Variants in LIFR observed in about 807,000 individuals in gnomAD.
LIFR encodes leukemia inhibitory factor receptor.
In LIFR, 84 loss-of-function variants were observed where a neutral mutation model predicts 122.2. That is an observed-to-expected ratio of 0.69 (90% CI 0.58 to 0.82). LIFR has a LOEUF of 0.82. LIFR is among the 40% of genes least tolerant of loss of function. The probability of loss-of-function intolerance (pLI) is 0.00; values close to 1 mark genes in which losing one functional copy is unlikely to be tolerated. For missense variants in LIFR, 1,294 were observed against 1,311.6 expected (o/e 0.99, Z 0.21); for synonymous variants, 422 against 434.7 (o/e 0.97, Z 0.36).
chr5:38,541,995 C>G (rs1490122810), intron 1 of LIFR, among the ~76,000 whole-genome samples: 2 of 152,136 alleles, frequency 1.3e-5, no homozygotes. Flanking sequence ...TTATCAGACA[C>G]ATAATGTCTA....
At chr5:38,517,666 G>C (rs1362838299) in intron 5 of LIFR, among the ~76,000 whole-genome samples, 1 of 151,704 alleles carries the variant, frequency 6.6e-6, no homozygotes, top group East Asian at 1.9e-4. Flanking sequence ...GACCATCCTG[G>C]CTAACACGGT....
intron 16 of LIFR, among the ~76,000 whole-genome samples, chr5:38,488,602 C>T (rs1744411796): frequency 6.6e-6 from 1 of 152,098 alleles, no homozygotes; most frequent in South Asian, 2.1e-4. Context: ...TTAATACATC[C>T]CCAATCAAGT....
chr5:38,525,809 A>G (rs1746648144), intron 4 of LIFR, among the ~76,000 whole-genome samples: 2 of 152,242 alleles, frequency 1.3e-5, no homozygotes, highest in Non-Finnish European at 2.9e-5. Flanking sequence ...GAACACAGCT[A>G]TTCTTTCAAA....
upstream of LIFR, chr5:38,559,233 A>C (rs1254103120): frequency 6.6e-6 from 1 of 152,224 alleles, no homozygotes; most frequent in Non-Finnish European, 1.5e-5. Context: ...TCCTTACACC[A>C]TACTGAGGTA....
intron 1 of LIFR, among the ~76,000 whole-genome samples, chr5:38,590,475 G>A (rs1416867194): frequency 1.3e-5 from 2 of 152,200 alleles, no homozygotes; most frequent in Non-Finnish European, 2.9e-5. Flanking sequence ...AACATGGAAA[G>A]GTAAAGCAGT....
intron 1 of LIFR, among the ~76,000 whole-genome samples, chr5:38,533,586 GA>G (rs1747134330): frequency 6.6e-6 from 1 of 152,004 alleles, no homozygotes; most frequent in Non-Finnish European, 1.5e-5. Flanking sequence ...AAGAAAATTA[GA>G]AAAAAAGAGT....
intron 1 of LIFR, among the ~76,000 whole-genome samples, chr5:38,539,306 G>A (rs1747459876): frequency 6.6e-6 from 1 of 152,092 alleles, no homozygotes; most frequent in Admixed American, 6.6e-5. Context: ...CTCTGTTTAT[G>A]CTCCCACTGG....
At chr5:38,514,281 ATG>A (rs1393819528) in intron 5 of LIFR, among the ~76,000 whole-genome samples, 2 of 152,190 alleles carry the variant, frequency 1.3e-5, no homozygotes, top group Non-Finnish European at 2.9e-5. Context: ...GCTGACACAC[ATG>A]TGTTTTTAGA....
intron 5 of LIFR, among the ~76,000 whole-genome samples, chr5:38,512,913 T>C (rs920282253): frequency 2.0e-5 from 3 of 151,476 alleles, no homozygotes; most frequent in African/African-American, 7.3e-5. Context: ...TTAGACTAGA[T>C]TTGTTTTTTA....
At position 38,490,241 on chromosome 5, in the gene LIFR, T is replaced by C. The variant is rs1319852120; in HGVS notation, c.2116A>G (p.Asn706Asp). ...RYNFFLYGCR[N>D]QGYQLLRSMI... ...GAGCGTAATAATTGATATCCTTGAT[T>C]TCTGCATCCATACAGGAAAAAATTA... Residue 706 changes from asparagine (N) to aspartate (D), a missense_variant, in exon 15 of 20, where the codon AAT becomes GAT. By Grantham distance (23) the Asn-to-Asp change is conservative (BLOSUM62 1). Transcript: ENST00000453190. The C allele has an allele frequency of 1.9e-6, 3 of 1,588,796 alleles. No individual in the cohort carries two copies. Among genetic ancestry groups the C allele is most frequent in the Non-Finnish European group, 2.6e-6 (3 of 1,159,438 alleles).
chr5:38,482,825 G>A (rs1239755305), intron 18 of LIFR, among the ~76,000 whole-genome samples, 158 bp from the exon 19 acceptor site: 1 of 152,158 alleles, frequency 6.6e-6, no homozygotes, highest in Non-Finnish European at 1.5e-5. Flanking sequence ...CACTACAGCT[G>A]TCTATACAAT....
chr5:38,560,585 G>GTT (rs1339565709), upstream of LIFR, among the ~76,000 whole-genome samples: 1 of 149,956 alleles, frequency 6.7e-6, no homozygotes, highest in African/African-American at 2.5e-5. Context: ...GTTTTGTTTT[G>GTT]TTTTGTTTTG....
At chr5:38,594,592 T>C (rs1241680276) in intron 1 of LIFR, among the ~76,000 whole-genome samples, 1 of 152,166 alleles carries the variant, frequency 6.6e-6, no homozygotes, top group Non-Finnish European at 1.5e-5. Flanking sequence ...TACTTTGTGC[T>C]CTGGCTTTTT....
chr5:38,608,023 C>G (rs1750367048), intron 1 of LIFR: 1 of 152,132 alleles, frequency 6.6e-6, no homozygotes, highest in South Asian at 2.1e-4. Flanking sequence ...CACTTACAAA[C>G]ATTTTAAAAA....
At chr5:38,578,200 T>C (rs1749449824) in intron 1 of LIFR, among the ~76,000 whole-genome samples, 1 of 77,198 alleles carries the variant, frequency 1.3e-5, no homozygotes, top group South Asian at 5.5e-4. Flanking sequence ...CTTTTCTTTT[T>C]CTTTTTCTTT....
rs371041363 is a variant in LIFR, at chr5:38,568,328, G to A, written c.-20+26933C>T. ...TGAGAAGGAATTTTTGAGCAGAGAG[G>A]GCTAAATGAAATGAGACAAGGGCCT... On this transcript the variant is annotated intron_variant, in intron 1 of 19. Coordinates refer to the LIFR transcript ENST00000263409. Among the ~76,000 whole-genome samples the A allele has an allele frequency of 2.8e-4, 42 of 152,130 alleles. 2 individuals are homozygous for A. Among genetic ancestry groups the A allele is most frequent in the Non-Finnish European group, 1.5e-5 (1 of 68,026 alleles).
chr5:38,601,270 C>G (rs1244029808), intron 2 of LIFR, among the ~76,000 whole-genome samples: 1 of 152,190 alleles, frequency 6.6e-6, no homozygotes, highest in Non-Finnish European at 1.5e-5. Context: ...TAAGCCCTCT[C>G]TAGACACCTT....
intron 1 of LIFR, among the ~76,000 whole-genome samples, chr5:38,593,988 A>C (rs1480221540): frequency 1.3e-5 from 2 of 152,196 alleles, no homozygotes; most frequent in African/African-American, 4.8e-5. Context: ...AAAAAAATAG[A>C]AACGTTTACC....
chr5:38,572,428 G>A (rs1327852392), intron 1 of LIFR, among the ~76,000 whole-genome samples: 1 of 152,152 alleles, frequency 6.6e-6, no homozygotes, highest in Non-Finnish European at 1.5e-5. Flanking sequence ...CTACTCCCAT[G>A]ATTCATTCAT....
Sources: allele counts gnomAD v4.1 joint callset (sites outside exome capture counted in the v4.1 genomes callset), GRCh38; gene constraint gnomAD v4.1.1; transcripts MANE v1.5; gene names NCBI Gene and HGNC (gene_info 2026-07-23, HGNC 2026-07-21).